Variants in CSMD1 observed in about 807,000 individuals in gnomAD.
CSMD1 encodes CUB and sushi domain-containing protein 1.
A neutral mutation model predicts 417.5 loss-of-function variants in CSMD1; 213 were observed. The observed-to-expected ratio is 0.51, with a 90% CI of 0.46 to 0.57. The LOEUF (loss-of-function observed/expected upper bound fraction) is 0.57, where lower values mean the gene tolerates loss of function less well. Ranked by LOEUF, CSMD1 falls within the 20% of genes least tolerant of loss-of-function variation. The pLI is 0.00. For synonymous variants in CSMD1, 2,862 were observed against 1,736.8 expected (o/e 1.65, Z -16.11); for missense variants, 6,923 against 4,529.7 (o/e 1.53, Z -15.17).
chr8:3,938,971 G>A (rs1333442672), intron 5 of CSMD1, among the ~76,000 whole-genome samples: 2 of 152,072 alleles, frequency 1.3e-5, no homozygotes, highest in Non-Finnish European at 2.9e-5. Flanking sequence ...CATAGGCAGG[G>A]AGTATGAGAG....
At chr8:3,757,169 C>T (rs1233695963) in intron 5 of CSMD1, among the ~76,000 whole-genome samples, 1 of 152,054 alleles carries the variant, frequency 6.6e-6, no homozygotes. Flanking sequence ...TCTACCACCA[C>T]CTACACCCAC....
intron 12 of CSMD1, among the ~76,000 whole-genome samples, chr8:3,461,530 C>G (rs1408062508): frequency 6.6e-6 from 1 of 152,160 alleles, no homozygotes; most frequent in Non-Finnish European, 1.5e-5. Context: ...CCCGATCTCT[C>G]AAATTAGGCA....
chr8:3,179,007 G>A (rs1585568287), intron 37 of CSMD1, among the ~76,000 whole-genome samples: 3 of 150,798 alleles, frequency 2.0e-5, no homozygotes. Flanking sequence ...GAGTGCAGTG[G>A]CGCGATCTTG....
intron 5 of CSMD1, among the ~76,000 whole-genome samples, chr8:3,903,328 CT>C (rs1384356511): frequency 5.5e-5 from 1 of 18,206 alleles, no homozygotes; most frequent in Non-Finnish European, 8.8e-5. Context: ...ATCTGTCCAG[CT>C]AAAAAAAAAA....
intron 2 of CSMD1, among the ~76,000 whole-genome samples, chr8:4,422,885 A>G (rs1437298076): frequency 6.6e-6 from 1 of 152,074 alleles, no homozygotes; most frequent in African/African-American, 2.4e-5. Flanking sequence ...TTGAAAATTA[A>G]TCCATATAAT....
chr8:4,916,146 G>A (rs1346426918), intron 1 of CSMD1, among the ~76,000 whole-genome samples: 7 of 152,154 alleles, frequency 4.6e-5, no homozygotes, highest in Non-Finnish European at 8.8e-5. Flanking sequence ...ATAACTCAGG[G>A]CATAAAAATG....
At chr8:4,602,807 T>C (rs1485147137) in intron 2 of CSMD1, among the ~76,000 whole-genome samples, 1 of 152,094 alleles carries the variant, frequency 6.6e-6, no homozygotes, top group Non-Finnish European at 1.5e-5. Context: ...CTGGATTTTT[T>C]AGAAAGGTAA....
At chr8:4,063,899 G>C (rs1350322118) in intron 3 of CSMD1, among the ~76,000 whole-genome samples, 1 of 152,124 alleles carries the variant, frequency 6.6e-6, no homozygotes, top group East Asian at 1.9e-4. Flanking sequence ...ATCAAATCGT[G>C]CACAATGATG....
chr8:4,312,276 T>C (rs573648996), intron 3 of CSMD1, among the ~76,000 whole-genome samples: 9 of 151,674 alleles, frequency 5.9e-5, no homozygotes, highest in Non-Finnish European at 7.4e-5. Context: ...AACTTTAGCA[T>C]TGATGTATAC....
Position 4,312,371 on chromosome 8 carries a change from GAACA to G in CSMD1, c.415+107578_415+107581del, listed in dbSNP as rs1469187099. On this transcript the variant is annotated intron_variant, in intron 3 of 69. Coordinates refer to ENST00000635120, the MANE Select transcript of CSMD1 (RefSeq NM_033225.6). Reference sequence around the variant, plus strand: ...CAAAATAAGCTAATTACTTTTAATGGAACAAATATATATATATATATACATACAT... The same window carrying G: ...CAAAATAAGCTAATTACTTTTAATGGAATATATATATATATATACATACAT... Among the ~76,000 whole-genome samples the G allele has an allele frequency of 5.1e-3, 478 of 93,440 alleles. 25 individuals carry two copies. The highest frequency in any genetic ancestry group is 0.022 in the African/African-American group (434 of 19,576). 61.3% of individuals were successfully genotyped at this position (93,440 alleles called of 152,430 possible).
chr8:4,558,156 G>C (rs777119929), intron 2 of CSMD1, among the ~76,000 whole-genome samples: 3 of 152,114 alleles, frequency 2.0e-5, no homozygotes, highest in Non-Finnish European at 4.4e-5. Context: ...GTTAATCTGT[G>C]GGAAAAGAGT....
chr8:4,444,171 G>A (rs1447872979), intron 2 of CSMD1, among the ~76,000 whole-genome samples: 3 of 151,606 alleles, frequency 2.0e-5, no homozygotes, highest in African/African-American at 2.4e-5. Context: ...GCAAAACCCT[G>A]TGCCTACTAA....
At chr8:4,138,050 T>A (rs1024118829) in intron 3 of CSMD1, among the ~76,000 whole-genome samples, 2 of 1,532 alleles carry the variant, frequency 1.3e-3, no homozygotes, top group African/African-American at 1.7e-3. Context: ...GCTAATTTTT[T>A]TTTTTTTTTT....
intron 5 of CSMD1, among the ~76,000 whole-genome samples, chr8:3,838,063 G>C (rs574158070): frequency 1.3e-5 from 2 of 151,998 alleles, no homozygotes; most frequent in East Asian, 1.9e-4. Flanking sequence ...ACTTGGAAAC[G>C]GTTGTAGGGC....
chr8:3,245,886 G>A (rs1799850028), intron 26 of CSMD1, among the ~76,000 whole-genome samples: 1 of 152,182 alleles, frequency 6.6e-6, no homozygotes, highest in Non-Finnish European at 1.5e-5. Context: ...CAATTTCTTA[G>A]CAGATTGCCA....
At chr8:3,216,489 T>A (rs1484366529) in intron 29 of CSMD1, among the ~76,000 whole-genome samples, 2 of 152,198 alleles carry the variant, frequency 1.3e-5, no homozygotes, top group African/African-American at 2.4e-5. Flanking sequence ...TTGTTATAAA[T>A]CTCTTTTAGT....
chr8:4,678,049 A>G (rs535821460), intron 1 of CSMD1, among the ~76,000 whole-genome samples: 1 of 152,300 alleles, frequency 6.6e-6, no homozygotes, highest in South Asian at 2.1e-4. Context: ...TAGTAACAGC[A>G]CACATGGACA....
At chr8:4,126,294 G>A (rs749911036) in intron 3 of CSMD1, among the ~76,000 whole-genome samples, 7 of 152,160 alleles carry the variant, frequency 4.6e-5, no homozygotes, top group Admixed American at 2.6e-4. Context: ...TCATAGCAAT[G>A]TCCCTGTTGA....
At chr8:4,436,017 C>T (rs1798130638) in intron 2 of CSMD1, among the ~76,000 whole-genome samples, 1 of 152,206 alleles carries the variant, frequency 6.6e-6, no homozygotes, top group Non-Finnish European at 1.5e-5. Flanking sequence ...TCATACGCAG[C>T]AGCTTGTTAA....
Sources: gnomAD v4.1 joint callset for allele counts (sites outside exome capture counted in the v4.1 genomes callset) on GRCh38, gnomAD v4.1.1 for gene constraint, MANE v1.5 for transcripts, NCBI Gene and HGNC (gene_info 2026-07-23, HGNC 2026-07-21) for gene names.